The following PLCB1 variants were observed in gnomAD, a reference collection of about 807,000 sequenced individuals.
PLCB1 encodes 1-phosphatidylinositol 4,5-bisphosphate phosphodiesterase beta-1.
Under a neutral mutation model 161.8 loss-of-function variants are expected in PLCB1, and 46 were observed. The ratio of observed to expected loss-of-function variants is 0.28; its 90% CI spans 0.22 to 0.36. The LOEUF (loss-of-function observed/expected upper bound fraction) is 0.36, where lower values mean the gene tolerates loss of function less well. Among genes scored for constraint, PLCB1 ranks in the 10% least tolerant of loss-of-function variants. The pLI is 1.00. For missense variants in PLCB1, 1,016 were observed against 1,472.5 expected, an observed-to-expected ratio of 0.69 and a Z score of 5.07; for synonymous variants, 517 against 503.7, an observed-to-expected ratio of 1.03 and a Z score of -0.35.
intron 31 of PLCB1, among the ~76,000 whole-genome samples, chr20:8,861,694 C>A (rs1306709834): frequency 7.1e-6 from 1 of 140,486 alleles, no homozygotes; most frequent in Non-Finnish European, 1.5e-5. Context: ...CGTGCCACTG[C>A]ACTCCAGCCT....
intron 30 of PLCB1, 61 bp downstream of exon 30, chr20:8,789,636 C>T: frequency 2.5e-6 from 3 of 1,183,148 alleles, no homozygotes; most frequent in East Asian, 4.7e-5. Flanking sequence ...GGTGAGCTCG[C>T]TGTGAGCTTC....
intron 2 of PLCB1, among the ~76,000 whole-genome samples, chr20:8,321,401 T>G (rs1263385500): frequency 6.6e-6 from 1 of 152,064 alleles, no homozygotes; most frequent in Admixed American, 6.5e-5. Context: ...GTCCTCAGTT[T>G]CCTCATATAA....
chr20:8,547,468 C>T (rs1052621838), intron 3 of PLCB1, among the ~76,000 whole-genome samples: 4 of 152,206 alleles, frequency 2.6e-5, no homozygotes, highest in African/African-American at 9.6e-5. Flanking sequence ...GTCTAAATAA[C>T]GTCACCACCA....
intron 11 of PLCB1, among the ~76,000 whole-genome samples, chr20:8,700,475 C>T (rs1175687312): frequency 2.0e-5 from 3 of 152,226 alleles, no homozygotes; most frequent in East Asian, 3.9e-4. Context: ...TCTTCAATTA[C>T]ATCTGTAATC....
intron 3 of PLCB1, among the ~76,000 whole-genome samples, chr20:8,608,070 C>T (rs1568527835): frequency 1.3e-5 from 2 of 151,964 alleles, no homozygotes; most frequent in Middle Eastern, 3.2e-3. Context: ...AGTGTGTGCT[C>T]TATCTCTATG....
At chr20:8,809,187 T>C (rs935463490) in intron 31 of PLCB1, among the ~76,000 whole-genome samples, 16 of 152,008 alleles carry the variant, frequency 1.1e-4, no homozygotes, top group Non-Finnish European at 1.9e-4. Flanking sequence ...TTTTTAGTTT[T>C]GTAGAGGTGG....
At chr20:8,727,789 T>C (rs1181149485) in intron 17 of PLCB1, among the ~76,000 whole-genome samples, 1 of 152,068 alleles carries the variant, frequency 6.6e-6, no homozygotes, top group African/African-American at 2.4e-5. Flanking sequence ...TGTAAAGAAA[T>C]ATATACCTGA....
chr20:8,476,305 G>A (rs189582650), intron 3 of PLCB1, among the ~76,000 whole-genome samples: 1 of 151,336 alleles, frequency 6.6e-6, no homozygotes, highest in East Asian at 1.9e-4. Context: ...GTTCAAGTGT[G>A]TCAAGTGTGT....
chr20:8,283,128 T>C (rs1409827149), intron 2 of PLCB1, among the ~76,000 whole-genome samples: 2 of 152,196 alleles, frequency 1.3e-5, no homozygotes, highest in African/African-American at 4.8e-5. Flanking sequence ...AAGGATACTC[T>C]GGACATTCCC....
chr20:8,313,669 C>T (rs189731994), intron 2 of PLCB1, among the ~76,000 whole-genome samples: 1 of 152,162 alleles, frequency 6.6e-6, no homozygotes, highest in Admixed American at 6.5e-5. Flanking sequence ...GCTAGAACCC[C>T]AAAGCTACAA....
chr20:8,322,637 TTTG>T (rs1984970482), intron 2 of PLCB1, among the ~76,000 whole-genome samples: 1 of 152,026 alleles, frequency 6.6e-6, no homozygotes, highest in Non-Finnish European at 1.5e-5. Context: ...CTTAAATTAG[TTTG>T]TTAAGAGCCT....
At chr20:8,678,400 G>T (rs4816073) in intron 9 of PLCB1, among the ~76,000 whole-genome samples, 1 of 152,032 alleles carries the variant, frequency 6.6e-6, no homozygotes, top group African/African-American at 2.4e-5. Flanking sequence ...CAATACATGC[G>T]TATTATTTTG....
At chr20:8,644,124 T>C (rs886417438) in intron 4 of PLCB1, among the ~76,000 whole-genome samples, 74 of 152,272 alleles carry the variant, frequency 4.9e-4, no homozygotes, top group African/African-American at 1.6e-3. Context: ...TGGAGTGCAG[T>C]GGCGTGATCT....
At chr20:8,179,861 T>C (rs1395072605) in intron 2 of PLCB1, among the ~76,000 whole-genome samples, 5 of 82,658 alleles carry the variant, frequency 6.0e-5, no homozygotes, top group African/African-American at 2.8e-4. Flanking sequence ...TTTTTTTTTT[T>C]TTTTTTTTTT....
chr20:8,825,780 G>T (rs924686469), intron 31 of PLCB1, among the ~76,000 whole-genome samples: 1 of 152,212 alleles, frequency 6.6e-6, no homozygotes, highest in Non-Finnish European at 1.5e-5. Flanking sequence ...CAAAAGATTA[G>T]CTAGGGATAT....
At chr20:8,825,240 T>C (rs1985635414) in intron 31 of PLCB1, among the ~76,000 whole-genome samples, 1 of 152,210 alleles carries the variant, frequency 6.6e-6, no homozygotes, top group East Asian at 1.9e-4. Context: ...CCTGAACTAA[T>C]TGTCTAGCTA....
chr20:8,496,978 T>C (rs1292883041), intron 3 of PLCB1, among the ~76,000 whole-genome samples: 1 of 152,342 alleles, frequency 6.6e-6, no homozygotes, highest in African/African-American at 2.4e-5. Flanking sequence ...CTAGTCTATA[T>C]GATGTCTCTA....
intron 2 of PLCB1, among the ~76,000 whole-genome samples, chr20:8,338,186 G>A (rs1215404695): frequency 6.6e-6 from 1 of 152,058 alleles, no homozygotes; most frequent in Non-Finnish European, 1.5e-5. Flanking sequence ...TTAATAATAT[G>A]TAATATATTC....
chr20:8,316,542 G>A (rs2122142170), intron 2 of PLCB1, among the ~76,000 whole-genome samples: 1 of 152,204 alleles, frequency 6.6e-6, no homozygotes, highest in African/African-American at 2.4e-5. Context: ...CATGAGATTG[G>A]CCGAGACTTC....
Sources: allele counts gnomAD v4.1 joint callset (sites outside exome capture counted in the v4.1 genomes callset), GRCh38; gene constraint gnomAD v4.1.1; transcripts MANE v1.5; gene names NCBI Gene and HGNC (gene_info 2026-07-23, HGNC 2026-07-21).